HSPG2: variants seen among roughly 807,000 people sequenced by gnomAD.
HSPG2 encodes the protein basement membrane-specific heparan sulfate proteoglycan core protein.
Under a neutral mutation model 526.6 loss-of-function variants are expected in HSPG2, and 278 were observed. The observed-to-expected ratio is 0.53, with a 90% CI of 0.48 to 0.58. The LOEUF is 0.58. HSPG2 is among the 20% of genes least tolerant of loss of function. HSPG2 has a pLI of 0.00. For synonymous variants in HSPG2, 2,465 were observed against 2,555.4 expected (o/e 0.96, Z 1.07); for missense variants, 5,354 against 6,099.5 (o/e 0.88, Z 4.07).
In HSPG2 at chr1:21,824,025, A is replaced by G. The variant is rs1305505518; in HGVS notation, c.12899+96T>C. 2.5e-6 allele frequency: 3 copies of G among 1,201,702 alleles called. No homozygotes were observed. In the East Asian group the frequency reaches 7.5e-5, roughly 30 times the overall value. 74.4% of individuals were successfully genotyped at this position (1,201,702 alleles called of 1,614,324 possible). A position where few individuals can be genotyped will look rare whatever the true frequency, so the allele number is the denominator to read the frequency against. ...CCCTGGCTTCAAGTTCTGTCTCCACAGAGCTCAATACCTGCCTCTCTGCCC... is the reference window on the plus strand; with the variant it reads ...CCCTGGCTTCAAGTTCTGTCTCCACGGAGCTCAATACCTGCCTCTCTGCCC... On this transcript the variant is annotated intron_variant, in intron 95 of 96. Transcript: ENST00000374695. The surrounding 1 kb of genome is among the most constrained non-coding windows in gnomAD (Gnocchi z 5.9).
chr1:21,840,993 C>T (rs1006547461), intron 71 of HSPG2, 108 bp downstream of exon 71: 11 of 967,206 alleles, frequency 1.1e-5, no homozygotes, highest in Middle Eastern at 3.0e-4. Context: ...CTTCCTCTCT[C>T]CATCCACTCA....
rs1336829007 is a variant in HSPG2, at chr1:21,878,466, G to C, written c.2584C>G (p.Pro862Ala). 6.2e-7 allele frequency: 1 copy of C among 1,611,122 alleles called. No homozygotes were observed. The highest frequency in any genetic ancestry group is 2.2e-5 in the East Asian group (1 of 44,776). The change falls in exon 20 of 97, where the codon CCC becomes GCC. Residue 862 changes from proline to alanine, a missense_variant. Physicochemically the swap from Pro to Ala is conservative, Grantham distance 27 (BLOSUM62 -1). Transcript: ENST00000374695. ...CTGCACTTCCCGCCGGGCTGGATGGGGTTGCCCTCGTATCCGGGGGCACAG... is the reference window on the plus strand; with the variant it reads ...CTGCACTTCCCGCCGGGCTGGATGGCGTTGCCCTCGTATCCGGGGGCACAG... ...ESCAPGYEGNPIQPGGKCRPV... is the reference protein window; with the variant it reads ...ESCAPGYEGNAIQPGGKCRPV...
chr1:21,864,043 T>C lies in HSPG2; in HGVS notation c.4740+57A>G. On this transcript the variant is annotated intron_variant, in intron 37 of 96. Transcript: ENST00000374695. The surrounding 1 kb of genome is among the most constrained non-coding windows in gnomAD (Gnocchi z 4.8). The stretch of plus-strand genomic sequence containing the variant: ...TGATGCCTGCCTTGTCCAGCCCTGG[T>C]CCCCCACCCAGGCCCAGCTGAGCTG... 7.5e-7 allele frequency: 1 copy of C among 1,324,934 alleles called. No homozygotes were observed. Among genetic ancestry groups the C allele is most frequent in the South Asian group, 1.3e-5 (1 of 79,452 alleles). The allele number at this position is 1,324,934 out of a possible 1,614,324, so 82.1% of individuals were successfully genotyped here.
chr1:21,900,265 G>A lies in HSPG2; in HGVS notation c.64-3955C>T, dbSNP rs563652386. Among the ~76,000 whole-genome samples, 6 of 152,344 alleles carry A rather than the reference G, an allele frequency of 3.9e-5. No individual in the cohort carries two copies. The East Asian group carries it at 1.2e-3, about 29-fold the overall frequency. On this transcript the variant is annotated intron_variant, in intron 1 of 96. Transcript: ENST00000374695. ...GCAGTTCCTGGTTTGGCGGTGTGCA[G>A]GCAGCTGACTCAACCGGGCCCAGGC...
chr1:21,884,779 C>T lies in HSPG2; in HGVS notation c.1495G>A (p.Val499Ile), dbSNP rs376748881. Residue 499 changes from valine to isoleucine, a missense_variant, in exon 12 of 97, where the codon GTC (valine) becomes ATC (isoleucine). Coordinates refer to ENST00000374695, the MANE Select transcript of HSPG2 (RefSeq NM_005529.7). The part of the protein sequence containing the change: ...FGIPDGVLEL[V>I]PQRGPCPDGH... The stretch of plus-strand genomic sequence containing the variant: ...CCTCCGGCAGTACCTCGTTGTGGGA[C>T]GAGCTCAAGGACACCGTCAGGAATG... 1.4e-5 allele frequency: 22 copies of T among 1,613,446 alleles called. No individual in the cohort carries two copies. Among genetic ancestry groups the T allele is most frequent in the Admixed American group, 6.7e-5 (4 of 59,984 alleles).
chr1:21,835,523 T>C lies in HSPG2; in HGVS notation c.10453+17A>G, dbSNP rs751626910. 27 of 1,583,140 alleles carry C rather than the reference T, an allele frequency of 1.7e-5. No individual in the cohort carries two copies. In the South Asian group the frequency reaches 2.8e-4, roughly 16 times the overall value. ...CTGTTCCCTGCTCTTAGCAGAGGCC[T>C]GAAGCCACCCTCCTACCTTGGATAA... is the stretch of plus-strand genomic sequence containing the variant. On this transcript the variant is annotated intron_variant, in intron 76 of 96. Transcript: ENST00000374695.
At chr1:21,896,413 C>A (rs957573484) in intron 1 of HSPG2, 103 bp from the exon 2 acceptor site, 6 of 1,386,932 alleles carry the variant, frequency 4.3e-6, no homozygotes, top group Non-Finnish European at 6.1e-6. Flanking sequence ...CACCTTCAGG[C>A]CCCTTAGTGG....
chr1:21,836,585 A>C (rs2098027143), intron 75 of HSPG2, among the ~76,000 whole-genome samples: 1 of 152,144 alleles, frequency 6.6e-6, no homozygotes, highest in South Asian at 2.1e-4. Flanking sequence ...AGCCTCCCAA[A>C]GTGCTGGGAT....
chr1:21,877,793 C>T (rs1280081145), intron 21 of HSPG2, among the ~76,000 whole-genome samples: 6 of 152,172 alleles, frequency 3.9e-5, no homozygotes, highest in African/African-American at 1.4e-4. Flanking sequence ...CCACTGCGCC[C>T]GGCCGATGCT....
intron 91 of HSPG2, 77 bp downstream of exon 91, chr1:21,827,786 G>T: frequency 7.0e-7 from 1 of 1,438,454 alleles, no homozygotes; most frequent in Non-Finnish European, 9.5e-7. Context: ...TTGCTTGCAG[G>T]CCAGAATTGA....
At chr1:21,879,945 G>C (rs988897250) in intron 17 of HSPG2, among the ~76,000 whole-genome samples, 162 bp downstream of exon 17, 2 of 152,288 alleles carry the variant, frequency 1.3e-5, no homozygotes, top group South Asian at 2.1e-4. Flanking sequence ...GAGCCACTGC[G>C]CCTGACCTAT....
Position 21,830,042 on chromosome 1 carries a change from G to C in HSPG2, c.11721C>G (p.Gly3907=). 6.2e-7 allele frequency: 1 copy of C among 1,605,290 alleles called. No homozygotes were observed. The highest frequency in any genetic ancestry group is 1.7e-4 in the Middle Eastern group (1 of 6,042). Residue 3907 remains glycine (G), a synonymous_variant, in exon 86 of 97, where the codon GGC becomes GGG. Coordinates refer to ENST00000374695, the MANE Select transcript of HSPG2 (RefSeq NM_005529.7). The part of the protein sequence containing the change: ...ATCVNRPDGR[G]YTCRCHLGRS... ...GGCCCAGGTGGCAGCGGCAGGTGTA[G>C]CCTCGACCGTCAGGCCGGTTCACAC...
At chr1:21,874,573 G>T (rs761565460) in intron 27 of HSPG2, 40 bp from the exon 28 acceptor site, 2 of 1,613,926 alleles carry the variant, frequency 1.2e-6, no homozygotes, top group Non-Finnish European at 1.7e-6. Context: ...GGCCTCCAGA[G>T]GCCACAGATT....
At chr1:21,908,051 T>C (rs962092064) in intron 1 of HSPG2, 1 of 736,326 alleles carries the variant, frequency 1.4e-6, no homozygotes, top group Non-Finnish European at 2.5e-6. Flanking sequence ...TCTATAAGTG[T>C]TTGCTGCCTT....
chr1:21,901,662 C>T (rs992312907), intron 1 of HSPG2, among the ~76,000 whole-genome samples: 1 of 152,118 alleles, frequency 6.6e-6, no homozygotes, highest in African/African-American at 2.4e-5. Context: ...ACTGCCCCCG[C>T]AGCTAGGCAG....
Position 21,887,278 on chromosome 1 carries a change from G to A in HSPG2, c.1015C>T (p.Leu339Phe). 2 of 1,614,014 alleles carry A rather than the reference G, an allele frequency of 1.2e-6. No homozygotes were observed. The change falls in exon 9 of 97, where the codon CTC (leucine) becomes TTC (phenylalanine). Residue 339 changes from leucine (L) to phenylalanine (F), a missense_variant. Leu to Phe is a conservative substitution (Grantham distance 22, BLOSUM62 0). Coordinates refer to ENST00000374695, the MANE Select transcript of HSPG2 (RefSeq NM_005529.7). The surrounding 1 kb of genome is among the most constrained non-coding windows in gnomAD (Gnocchi z 5.0). ...EFPCGNGHCA[L>F]KLWRCDGDFD... The stretch of plus-strand genomic sequence containing the variant: ...TCACCATCGCAGCGCCACAGCTTGA[G>A]GGCACAATGTCCATTCCCGCAGGGG...
At chr1:21,832,814 C>A in intron 80 of HSPG2, 1 of 599,058 alleles carries the variant, frequency 1.7e-6, no homozygotes, top group Non-Finnish European at 3.0e-6. Context: ...TAGAAAGAAA[C>A]TGAATTTGCT....
rs563118169 is a variant in HSPG2, at chr1:21,849,332, C to T, written c.7447-301G>A. ...GGCAGCATGAGCCCATTTGGCCCCT[C>T]ACTCTGACCCCCAAGGCCTGGCCAT... On this transcript the variant is annotated intron_variant, in intron 57 of 96. Transcript: ENST00000374695. Among the ~76,000 whole-genome samples the T allele has an allele frequency of 9.2e-5, 14 of 152,308 alleles. 1 individual carries two copies. In the East Asian group the frequency reaches 1.5e-3, roughly 17 times the overall value.
At chr1:21,878,159 T>A (rs763275755) in intron 21 of HSPG2, 27 bp downstream of exon 21, 1 of 1,608,110 alleles carries the variant, frequency 6.2e-7, no homozygotes, top group Non-Finnish European at 8.5e-7. Flanking sequence ...CCAAGGCCCC[T>A]GGGTGGGTGG....
Sources: gnomAD v4.1 joint callset for allele counts (sites outside exome capture counted in the v4.1 genomes callset) on GRCh38, gnomAD v4.1.1 for gene constraint, Gnocchi (gnomAD v3.1) non-coding constraint, MANE v1.5 for transcripts, NCBI Gene and HGNC (gene_info 2026-07-23, HGNC 2026-07-21) for gene names.